EXD3: variants seen among roughly 807,000 people sequenced by gnomAD.
The protein encoded by EXD3 is exonuclease 3'-5' domain containing 3.
EXD3 carries 92 observed loss-of-function variants against 98.0 expected under a neutral mutation model. That is an observed-to-expected ratio of 0.94 (90% CI 0.79 to 1.12). The LOEUF (loss-of-function observed/expected upper bound fraction) is 1.12, where lower values mean the gene tolerates loss of function less well. Among genes scored for constraint, EXD3 ranks in the 50% most tolerant of loss-of-function variants. EXD3 has a pLI of 0.00. For missense variants in EXD3, 1,222 were observed against 1,191.6 expected (o/e 1.03, Z -0.38); for synonymous variants, 569 against 526.0 (o/e 1.08, Z -1.12).
Position 137,324,328 on chromosome 9 carries a change from C to A in EXD3, c.1999-185G>T, listed in dbSNP as rs1313600376. Among the ~76,000 whole-genome samples, 1 of 152,124 alleles carries A rather than the reference C, an allele frequency of 6.6e-6. No individual in the cohort carries two copies. The highest frequency in any genetic ancestry group is 2.4e-5 in the African/African-American group (1 of 41,420). Reference sequence around the variant, plus strand: ...GCCCTCTGCCGGGTCCTGGGTGTCGCCTCATTGTATAGATTTAATCTTGGC... The same window carrying A: ...GCCCTCTGCCGGGTCCTGGGTGTCGACTCATTGTATAGATTTAATCTTGGC... On this transcript the variant is annotated intron_variant, in intron 17 of 21. Coordinates refer to ENST00000340951, the MANE Select transcript of EXD3 (RefSeq NM_017820.5). The surrounding 1 kb of genome is among the most constrained non-coding windows in gnomAD (Gnocchi z 4.1).
chr9:137,411,857 T>C (rs917821544), intron 1 of EXD3, among the ~76,000 whole-genome samples: 7 of 152,154 alleles, frequency 4.6e-5, no homozygotes, highest in African/African-American at 1.7e-4. Context: ...CGGGCCACCC[T>C]GCATTCTTGT....
At chr9:137,350,993 C>G (rs1481260768) in intron 14 of EXD3, 45 bp downstream of exon 14, 1 of 1,522,596 alleles carries the variant, frequency 6.6e-7, no homozygotes, top group Non-Finnish European at 8.9e-7. Context: ...GCCCTCGAAC[C>G]CCAGGCCCAC....
At position 137,354,745 on chromosome 9, in the gene EXD3, C is replaced by T; in HGVS notation, c.786G>A (p.Gln262=). 5.6e-6 allele frequency: 9 copies of T among 1,610,810 alleles called. No homozygotes were observed. Among genetic ancestry groups the T allele is most frequent in the Non-Finnish European group, 5.9e-6 (7 of 1,179,642 alleles). The change falls in exon 9 of 22, where the codon CAG becomes CAA. Residue 262 remains glutamine, a synonymous_variant. Transcript: ENST00000340951. ...ACAGGTGCCGCAGGGCCGCCAGGCGCTGCTGAATGGCCGCGTTGGGACACA... is the reference window on the plus strand; with the variant it reads ...ACAGGTGCCGCAGGGCCGCCAGGCGTTGCTGAATGGCCGCGTTGGGACACA... The part of the protein sequence containing the change: ...PALCPNAAIQ[Q]RLAALRHLCH...
chr9:137,315,336 T>G (rs1445006726), intron 19 of EXD3, among the ~76,000 whole-genome samples: 1 of 152,232 alleles, frequency 6.6e-6, no homozygotes, highest in Non-Finnish European at 1.5e-5. Context: ...TGTCCAGGCC[T>G]GGGGCTTGGC....
intron 1 of EXD3, among the ~76,000 whole-genome samples, chr9:137,399,615 C>G (rs563027276): frequency 1.3e-5 from 2 of 152,250 alleles, no homozygotes; most frequent in African/African-American, 4.8e-5. Flanking sequence ...TTCATTTTCA[C>G]GCTGCTGATA....
chr9:137,351,691 T>G (rs574098436), intron 12 of EXD3, among the ~76,000 whole-genome samples, 163 bp from the exon 13 acceptor site: 1 of 152,350 alleles, frequency 6.6e-6, no homozygotes, highest in African/African-American at 2.4e-5. Flanking sequence ...CTAAGGCCTG[T>G]GCTCCAGCTG....
intron 21 of EXD3, 107 bp downstream of exon 21, chr9:137,307,501 G>T: frequency 6.9e-7 from 1 of 1,439,828 alleles, no homozygotes; most frequent in Non-Finnish European, 9.3e-7. Flanking sequence ...GAGCCCCACA[G>T]AGCCCCCTCT....
Position 137,329,422 on chromosome 9 carries a change from G to A in EXD3, c.1999-5279C>T, listed in dbSNP as rs866248413. 4.1e-4 allele frequency among the ~76,000 whole-genome samples: 4 copies of A among 9,754 alleles called. No homozygotes were observed. In the African/African-American group the frequency reaches 4.3e-3, roughly 11 times the overall value. 6.4% of individuals were successfully genotyped at this position (9,754 alleles called of 152,430 possible). ...ACGGGGCTACACGGGGCTACACGGG[G>A]CTACACGGGAGCTACACGGGAGCTA... On this transcript the variant is annotated intron_variant, in intron 17 of 21. Coordinates refer to ENST00000340951, the MANE Select transcript of EXD3 (RefSeq NM_017820.5).
intron 17 of EXD3, among the ~76,000 whole-genome samples, chr9:137,330,504 ACAGGACTACG>A (rs1564482000): frequency 1.4e-5 from 2 of 146,472 alleles, no homozygotes; most frequent in Non-Finnish European, 3.0e-5. Flanking sequence ...CAGGAGCTAC[ACAGGACTACG>A]CAGGACCACA....
chr9:137,368,628 G>A (rs1397931125), intron 5 of EXD3, among the ~76,000 whole-genome samples: 2 of 152,232 alleles, frequency 1.3e-5, no homozygotes, highest in Admixed American at 6.5e-5. Flanking sequence ...AATGACCCAC[G>A]AGAGCAGCCC....
chr9:137,393,224 G>T lies in EXD3; in HGVS notation c.55+2079C>A, dbSNP rs915868083. ...CTTAGGTGGAGAAGAGGCTGTAGAA[G>T]CCTGTGGGTGCCTGTGCAGGGAGAG... On this transcript the variant is annotated intron_variant, in intron 2 of 21. Coordinates refer to ENST00000340951, the MANE Select transcript of EXD3 (RefSeq NM_017820.5). The surrounding 1 kb of genome is among the most constrained non-coding windows in gnomAD (Gnocchi z 4.6). 4 of 702,550 alleles carry T rather than the reference G, an allele frequency of 5.7e-6. No homozygotes were observed. In the African/African-American group the frequency reaches 7.0e-5, roughly 12 times the overall value. 43.5% of individuals were successfully genotyped at this position (702,550 alleles called of 1,614,324 possible).
Position 137,379,163 on chromosome 9 carries a change from G to A in EXD3, c.120+4150C>T, listed in dbSNP as rs370111934. 8.5e-3 allele frequency among the ~76,000 whole-genome samples: 510 copies of A among 60,116 alleles called. 1 individual carries two copies. Among genetic ancestry groups the A allele is most frequent in the Middle Eastern group, 0.033 (2 of 60 alleles). The allele number at this position is 60,116 out of a possible 152,430, so 39.4% of individuals were successfully genotyped here. A position where few individuals can be genotyped will look rare whatever the true frequency, so the allele number is the denominator to read the frequency against. On this transcript the variant is annotated intron_variant, in intron 3 of 21. Coordinates refer to ENST00000340951, the MANE Select transcript of EXD3 (RefSeq NM_017820.5). Reference sequence around the variant, plus strand: ...ACAGGGTTTGTGGGTGACGGTGACCGTTGCCTGGGGCCGAGGGGAATGGGG... The same window carrying A: ...ACAGGGTTTGTGGGTGACGGTGACCATTGCCTGGGGCCGAGGGGAATGGGG...
At chr9:137,421,302 T>C (rs923626540) in intron 1 of EXD3, among the ~76,000 whole-genome samples, 7 of 152,246 alleles carry the variant, frequency 4.6e-5, no homozygotes, top group Non-Finnish European at 8.8e-5. Context: ...GGAGCCTATA[T>C]GGCCAATCAC....
Position 137,393,350 on chromosome 9 carries a change from C to T in EXD3, c.55+1953G>A. ...GGGCCTCATCCCACACAGGTGCAGG[C>T]CCGGGGCCCGCAGATGGCCTCAGAG... On this transcript the variant is annotated intron_variant, in intron 2 of 21. Coordinates refer to ENST00000340951, the MANE Select transcript of EXD3 (RefSeq NM_017820.5). This position sits in a 1 kb window ranked among gnomAD's most constrained non-coding sequence, Gnocchi z 4.6. The T allele has an allele frequency of 1.5e-6, 1 of 668,918 alleles. No homozygotes were observed. Among genetic ancestry groups the T allele is most frequent in the Non-Finnish European group, 2.7e-6 (1 of 366,484 alleles). 41.4% of individuals were successfully genotyped at this position (668,918 alleles called of 1,614,324 possible).
chr9:137,367,733 A>C, intron 6 of EXD3: 1 of 551,194 alleles, frequency 1.8e-6, no homozygotes, highest in East Asian at 3.2e-5. Context: ...GGGTTCGTGT[A>C]CGTGCGGCTG....
At chr9:137,307,785 G>A (rs574055344) in intron 20 of EXD3, 139 bp from the exon 21 acceptor site, 9 of 928,708 alleles carry the variant, frequency 9.7e-6, no homozygotes, top group South Asian at 1.6e-5. Context: ...CCCAGCCTTC[G>A]CAGACGGGCA....
In EXD3 at chr9:137,337,461, G is replaced by A. The variant is rs145266716; in HGVS notation, c.1998+10610C>T. Among the ~76,000 whole-genome samples the A allele has an allele frequency of 2.9e-3, 435 of 152,180 alleles. 1 individual carries two copies. The highest frequency in any genetic ancestry group is 4.4e-3 in the Non-Finnish European group (297 of 68,024). ...AGGTCAGGAGTTCCAGACCAGCCTGGCCAATATGGTGAAACCCTATCTCTA... is the reference window on the plus strand; with the variant it reads ...AGGTCAGGAGTTCCAGACCAGCCTGACCAATATGGTGAAACCCTATCTCTA... On this transcript the variant is annotated intron_variant, in intron 17 of 21. Coordinates refer to ENST00000340951, the MANE Select transcript of EXD3 (RefSeq NM_017820.5).
chr9:137,320,642 C>T (rs1330617341), intron 19 of EXD3, among the ~76,000 whole-genome samples: 2 of 152,158 alleles, frequency 1.3e-5, no homozygotes, highest in Non-Finnish European at 2.9e-5. Context: ...ACGCCCCCAT[C>T]CCATCCACTC....
At chr9:137,322,477 C>T (rs112834392) in intron 19 of EXD3, among the ~76,000 whole-genome samples, 1 of 137,022 alleles carries the variant, frequency 7.3e-6, no homozygotes, top group African/African-American at 2.7e-5. Context: ...GACACCTCAC[C>T]CCGGACCACG....
Sources: gnomAD v4.1 joint callset for allele counts (sites outside exome capture counted in the v4.1 genomes callset) on GRCh38, gnomAD v4.1.1 for gene constraint, Gnocchi (gnomAD v3.1) non-coding constraint, MANE v1.5 for transcripts, NCBI Gene and HGNC (gene_info 2026-07-23, HGNC 2026-07-21) for gene names.